Variants in ASPRV1 observed in about 807,000 individuals in gnomAD.
The protein encoded by ASPRV1 is retroviral-like aspartic protease 1.
ASPRV1 carries 7 observed loss-of-function variants against 11.0 expected under a neutral mutation model. The ratio of observed to expected loss-of-function variants is 0.64; its 90% CI spans 0.36 to 1.20. The LOEUF (loss-of-function observed/expected upper bound fraction) is 1.20. Ranked by LOEUF, ASPRV1 falls within the 50% of genes most tolerant of loss-of-function variation. The pLI, the probability that ASPRV1 is intolerant of heterozygous loss-of-function variation, is 0.02. For synonymous variants in ASPRV1, 136 were observed against 138.4 expected, an observed-to-expected ratio of 0.98 and a Z score of 0.12; for missense variants, 299 against 320.0, an observed-to-expected ratio of 0.93 and a Z score of 0.50.
chr2:69,978,387 C>T, the ASPRV1 span, among the ~76,000 whole-genome samples: 1 of 152,200 alleles, frequency 6.6e-6, no homozygotes, highest in African/African-American at 2.4e-5. Context: ...GGAGCTCAGT[C>T]TGAGAATGGG....
the ASPRV1 span, among the ~76,000 whole-genome samples, chr2:69,989,293 G>A: frequency 8.5e-5 from 13 of 152,370 alleles, no homozygotes; most frequent in Non-Finnish European, 1.6e-4. Flanking sequence ...TCCAAGTCCT[G>A]GCTGGGCCTT....
the ASPRV1 span, among the ~76,000 whole-genome samples, chr2:70,012,390 A>C: frequency 6.6e-6 from 1 of 151,924 alleles, no homozygotes; most frequent in African/African-American, 2.4e-5. Flanking sequence ...TCCCAACCTC[A>C]TGATCCGCCC....
chr2:70,023,207 G>A, the ASPRV1 span, among the ~76,000 whole-genome samples: 1 of 152,214 alleles, frequency 6.6e-6, no homozygotes, highest in Non-Finnish European at 1.5e-5. Flanking sequence ...TGTGGGAGAA[G>A]AAAGATGGGG....
chr2:69,936,999 C>T, the ASPRV1 span: 1 of 635,916 alleles, frequency 1.6e-6, no homozygotes, highest in Non-Finnish European at 3.0e-6. Flanking sequence ...GAGAGCTCAC[C>T]CCCAGAATCC....
the ASPRV1 span, among the ~76,000 whole-genome samples, chr2:69,981,393 TAC>T: frequency 7.2e-5 from 11 of 152,220 alleles, no homozygotes; most frequent in Non-Finnish European, 1.5e-4. Context: ...CAAAACTAGA[TAC>T]ACTTTAAGCT....
chr2:69,985,792 C>T, the ASPRV1 span, among the ~76,000 whole-genome samples: 83 of 152,244 alleles, frequency 5.5e-4, no homozygotes, highest in African/African-American at 2.0e-3. Context: ...CTGCTGTAGA[C>T]GAGGTGGTGA....
chr2:69,995,635 G>C, the ASPRV1 span, among the ~76,000 whole-genome samples: 1 of 152,156 alleles, frequency 6.6e-6, no homozygotes, highest in Non-Finnish European at 1.5e-5. Flanking sequence ...GGAAGGGACA[G>C]AGGAGTCTGG....
At chr2:70,075,079 T>TGCACTCCAGCCTGGCCA in the ASPRV1 span, 5 of 148,738 alleles carry the variant, frequency 3.4e-5, no homozygotes, top group African/African-American at 1.2e-4. Context: ...ATTGCGCCCC[T>TGCACTCCAGCCTGGCCA]GCACTCCAGC....
chr2:69,969,251 G>A, the ASPRV1 span, among the ~76,000 whole-genome samples: 4 of 152,270 alleles, frequency 2.6e-5, no homozygotes, highest in East Asian at 5.8e-4. Context: ...ATTTGCACAC[G>A]GTGTGGCATG....
chr2:69,992,258 G>A, the ASPRV1 span, among the ~76,000 whole-genome samples: 8 of 152,158 alleles, frequency 5.3e-5, no homozygotes, highest in South Asian at 2.1e-4. Flanking sequence ...TCGCCTAGCC[G>A]AGGGGAGTCG....
rs764416223 is a variant in ASPRV1 at position 69,961,166 on chromosome 2, G to C, written c.271C>G (p.Pro91Ala). The C allele has an allele frequency of 6.2e-7, 1 of 1,613,792 alleles. No homozygotes were observed. Among genetic ancestry groups the C allele is most frequent in the Admixed American group, 1.7e-5 (1 of 59,998 alleles). The change falls in exon 1 of 1, where the codon CCT (proline) becomes GCT (alanine). Residue 91 changes from proline to alanine, a missense_variant. By Grantham distance (27) the Pro-to-Ala change is conservative. Coordinates refer to ENST00000320256, the MANE Select transcript of ASPRV1 (RefSeq NM_152792.4). Reference protein sequence around the residue: ...KEALLKAFGVPGAAPSHLPKE... With the variant: ...KEALLKAFGVAGAAPSHLPKE... ...GGCAGGTGGCTGGGGGCAGCCCCAG[G>C]GACCCCAAAGGCCTTCAGGAGGGCC... is the stretch of plus-strand genomic sequence containing the variant.
the ASPRV1 span, among the ~76,000 whole-genome samples, chr2:70,038,541 T>C: frequency 6.6e-6 from 1 of 152,024 alleles, no homozygotes; most frequent in Non-Finnish European, 1.5e-5. Context: ...GACCACATCA[T>C]AGCACTTCAC....
the ASPRV1 span, chr2:70,049,640 A>G: frequency 6.6e-6 from 1 of 152,224 alleles, no homozygotes; most frequent in African/African-American, 2.4e-5. Context: ...CCAAATGAAC[A>G]ATGGCCCTTC....
chr2:69,936,525 T>A, the ASPRV1 span, among the ~76,000 whole-genome samples: 8 of 152,340 alleles, frequency 5.3e-5, no homozygotes, highest in African/African-American at 1.9e-4. Flanking sequence ...GGACAAATGT[T>A]ACTTTAATTA....
At chr2:70,071,371 G>A in the ASPRV1 span, among the ~76,000 whole-genome samples, 1 of 152,220 alleles carries the variant, frequency 6.6e-6, no homozygotes, top group African/African-American at 2.4e-5. Context: ...CTTACACATA[G>A]GAAGACTGTC....
At chr2:70,014,116 T>C in the ASPRV1 span, among the ~76,000 whole-genome samples, 1 of 152,164 alleles carries the variant, frequency 6.6e-6, no homozygotes, top group Non-Finnish European at 1.5e-5. Context: ...AATGATTTCT[T>C]GAATATAACA....
chr2:69,969,334 G>A, the ASPRV1 span, among the ~76,000 whole-genome samples: 1 of 152,170 alleles, frequency 6.6e-6, no homozygotes. Flanking sequence ...ACCGCCCTCT[G>A]CCGTCAGCCT....
the ASPRV1 span, among the ~76,000 whole-genome samples, chr2:69,980,573 G>T: frequency 6.6e-6 from 1 of 152,086 alleles, no homozygotes; most frequent in Non-Finnish European, 1.5e-5. Flanking sequence ...GAACAGTAAA[G>T]GACATTCATG....
the ASPRV1 span, chr2:70,087,021 G>T: frequency 6.9e-6 from 1 of 143,976 alleles, no homozygotes; most frequent in African/African-American, 2.6e-5. Context: ...CCCCGGAAGA[G>T]GGCTGCTGCC....
Sources: allele counts gnomAD v4.1 joint callset (sites outside exome capture counted in the v4.1 genomes callset), GRCh38; gene constraint gnomAD v4.1.1; transcripts MANE v1.5; gene names NCBI Gene and HGNC (gene_info 2026-07-23, HGNC 2026-07-21).